Variants in EIPR1 observed in about 807,000 individuals in gnomAD.
EIPR1 encodes EARP and GARP complex-interacting protein 1.
In EIPR1, 25 loss-of-function variants were observed where a neutral mutation model predicts 48.1. The ratio of observed to expected loss-of-function variants is 0.52; its 90% CI spans 0.38 to 0.73. EIPR1 has a LOEUF of 0.73. Ranked by LOEUF, EIPR1 falls within the 30% of genes least tolerant of loss-of-function variation. The probability of loss-of-function intolerance (pLI) is 0.00; values close to 1 mark genes in which losing one functional copy is unlikely to be tolerated. For missense variants in EIPR1, 415 were observed against 506.2 expected, an observed-to-expected ratio of 0.82 and a Z score of 1.73; for synonymous variants, 204 against 201.9, an observed-to-expected ratio of 1.01 and a Z score of -0.09.
intron 2 of EIPR1, among the ~76,000 whole-genome samples, chr2:3,339,733 G>A (rs1670174911): frequency 6.6e-6 from 1 of 152,206 alleles, no homozygotes; most frequent in South Asian, 2.1e-4. Flanking sequence ...CGGATCACCT[G>A]AGGTCAGGAA....
chr2:3,193,555 A>G (rs149299192), intron 7 of EIPR1, among the ~76,000 whole-genome samples: 17 of 152,368 alleles, frequency 1.1e-4, no homozygotes, highest in African/African-American at 3.8e-4. Context: ...ATAATATGTT[A>G]GGGAGAATGA....
chr2:3,324,723 G>A (rs1266017382), intron 3 of EIPR1, among the ~76,000 whole-genome samples: 1 of 152,246 alleles, frequency 6.6e-6, no homozygotes, highest in Non-Finnish European at 1.5e-5. Context: ...TAGGCAGGAG[G>A]CCCGCTGGAA....
chr2:3,308,454 A>G (rs1260713070), intron 3 of EIPR1, among the ~76,000 whole-genome samples: 1 of 152,234 alleles, frequency 6.6e-6, no homozygotes, highest in Non-Finnish European at 1.5e-5. Context: ...ACATTTAAAG[A>G]CAGAACAACA....
intron 3 of EIPR1, among the ~76,000 whole-genome samples, chr2:3,311,767 G>A (rs955812991): frequency 7.3e-5 from 11 of 149,934 alleles, no homozygotes; most frequent in South Asian, 2.2e-4. Flanking sequence ...GGCTCCACTC[G>A]CAGGATGCTG....
chr2:3,290,860 G>A (rs1331507322), intron 3 of EIPR1, among the ~76,000 whole-genome samples: 6 of 152,194 alleles, frequency 3.9e-5, no homozygotes, highest in Admixed American at 1.3e-4. Flanking sequence ...CACAGACAGC[G>A]CTTCCATCAC....
chr2:3,220,831 T>C (rs930913049), intron 4 of EIPR1, among the ~76,000 whole-genome samples: 25 of 140,178 alleles, frequency 1.8e-4, no homozygotes, highest in African/African-American at 8.1e-5. Context: ...CACTAGAGCA[T>C]TCACGGTGAG....
chr2:3,366,259 G>T (rs1026807731), intron 1 of EIPR1, among the ~76,000 whole-genome samples: 1 of 152,244 alleles, frequency 6.6e-6, no homozygotes, highest in Admixed American at 6.5e-5. Flanking sequence ...AGTGAGCTGA[G>T]ATTGTACCAC....
chr2:3,274,120 A>T (rs1485069596), intron 3 of EIPR1, among the ~76,000 whole-genome samples: 1 of 152,230 alleles, frequency 6.6e-6, no homozygotes, highest in Non-Finnish European at 1.5e-5. Flanking sequence ...GACACAGCAG[A>T]GACTGCAGCG....
intron 2 of EIPR1, among the ~76,000 whole-genome samples, chr2:3,344,996 C>G (rs764531149): frequency 5.3e-5 from 8 of 152,164 alleles, no homozygotes; most frequent in Non-Finnish European, 1.0e-4. Flanking sequence ...ATTAATAGCC[C>G]TTGCCCATGA....
chr2:3,206,177 C>G (rs745773795), intron 5 of EIPR1, among the ~76,000 whole-genome samples: 3 of 152,140 alleles, frequency 2.0e-5, no homozygotes, highest in Admixed American at 6.5e-5. Flanking sequence ...GCTCTCCTGG[C>G]GGGACACCCA....
intron 5 of EIPR1, among the ~76,000 whole-genome samples, chr2:3,204,429 T>C (rs1665156933): frequency 1.3e-5 from 2 of 152,144 alleles, no homozygotes. Context: ...GCAGTGTAAG[T>C]TGTAAGGTTA....
At chr2:3,209,435 C>T (rs565904354) in intron 5 of EIPR1, among the ~76,000 whole-genome samples, 9 of 152,358 alleles carry the variant, frequency 5.9e-5, no homozygotes, top group South Asian at 4.1e-4. Flanking sequence ...GCTCGGACTC[C>T]GTGTCCCCCG....
intron 3 of EIPR1, among the ~76,000 whole-genome samples, chr2:3,323,106 T>C (rs1228676798): frequency 8.4e-6 from 1 of 118,660 alleles, no homozygotes; most frequent in Non-Finnish European, 1.7e-5. Flanking sequence ...CTCTGATTTT[T>C]TCTTTAAAAA....
At chr2:3,372,662 C>T (rs971420713) in intron 1 of EIPR1, among the ~76,000 whole-genome samples, 1 of 152,164 alleles carries the variant, frequency 6.6e-6, no homozygotes. Context: ...CACATACACT[C>T]TCCCAAGACT....
chr2:3,233,123 T>C (rs1398247320), intron 4 of EIPR1, among the ~76,000 whole-genome samples: 3 of 152,236 alleles, frequency 2.0e-5, no homozygotes, highest in African/African-American at 7.2e-5. Context: ...CCAGGTCTTT[T>C]CTATGCATAC....
chr2:3,192,894 C>G (rs1162926033), intron 7 of EIPR1, among the ~76,000 whole-genome samples: 1 of 151,378 alleles, frequency 6.6e-6, no homozygotes, highest in Non-Finnish European at 1.5e-5. Context: ...AATACTGTCC[C>G]AGAAGCAACA....
chr2:3,335,217 G>A (rs926004679), intron 3 of EIPR1, among the ~76,000 whole-genome samples: 4 of 152,206 alleles, frequency 2.6e-5, no homozygotes, highest in African/African-American at 7.2e-5. Flanking sequence ...AGAGGCATGC[G>A]CTGTTGGAAG....
intron 3 of EIPR1, among the ~76,000 whole-genome samples, chr2:3,268,537 G>A (rs1418373303): frequency 1.3e-5 from 2 of 152,176 alleles, no homozygotes; most frequent in Admixed American, 6.5e-5. Context: ...TCTGACGCCT[G>A]TGACTCTTCT....
At chr2:3,257,243 T>C (rs1667185394) in intron 4 of EIPR1, 56 bp downstream of exon 4, 9 of 1,568,934 alleles carry the variant, frequency 5.7e-6, no homozygotes, top group South Asian at 2.3e-5. Flanking sequence ...CACAAGCTCC[T>C]GCACCTGGCC....
Sources: allele counts gnomAD v4.1 joint callset (sites outside exome capture counted in the v4.1 genomes callset), GRCh38; gene constraint gnomAD v4.1.1; transcripts MANE v1.5; gene names NCBI Gene and HGNC (gene_info 2026-07-23, HGNC 2026-07-21).